ILDR2: variants seen among roughly 807,000 people sequenced by gnomAD.
The protein encoded by ILDR2 is immunoglobulin like domain containing receptor 2.
ILDR2 carries 25 observed loss-of-function variants against 66.8 expected under a neutral mutation model. That is an observed-to-expected ratio of 0.37 (90% CI 0.27 to 0.52). The LOEUF (loss-of-function observed/expected upper bound fraction) is 0.52, where lower values mean the gene tolerates loss of function less well. Ranked by LOEUF, ILDR2 falls within the 20% of genes least tolerant of loss-of-function variation. The probability of loss-of-function intolerance (pLI) is 0.88; values close to 1 mark genes in which losing one functional copy is unlikely to be tolerated. For synonymous variants in ILDR2, 367 were observed against 357.2 expected (o/e 1.03, Z -0.31); for missense variants, 827 against 876.8 (o/e 0.94, Z 0.72).
At chr1:166,899,462 T>C (rs796664727) in intron 2 of ILDR2, among the ~76,000 whole-genome samples, 6 of 151,758 alleles carry the variant, frequency 4.0e-5, no homozygotes, top group African/African-American at 1.5e-4. Context: ...GTTTACAGTC[T>C]GGGGGAATTT....
chr1:166,929,653 C>A (rs1013421526), intron 6 of ILDR2, among the ~76,000 whole-genome samples: 2 of 152,196 alleles, frequency 1.3e-5, no homozygotes, highest in African/African-American at 4.8e-5. Flanking sequence ...ACTAGGTTCG[C>A]TTCTGTATCC....
At chr1:166,975,128 G>GT in intron 1 of ILDR2, 95 bp downstream of exon 1, 1 of 1,075,572 alleles carries the variant, frequency 9.3e-7, no homozygotes, top group Non-Finnish European at 1.4e-6. Context: ...AACATGGTCA[G>GT]TAAGGAGGAA....
At chr1:166,937,486 C>T (rs1247157138) in intron 4 of ILDR2, among the ~76,000 whole-genome samples, 1 of 152,244 alleles carries the variant, frequency 6.6e-6, no homozygotes, top group Non-Finnish European at 1.5e-5. Flanking sequence ...GCCAACATAG[C>T]CAAGGGCTCA....
At chr1:166,951,380 C>T (rs1399774666) in intron 3 of ILDR2, among the ~76,000 whole-genome samples, 1 of 152,168 alleles carries the variant, frequency 6.6e-6, no homozygotes, top group Non-Finnish European at 1.5e-5. Context: ...TTCTTTAACA[C>T]ATAATCTGAA....
At chr1:166,946,923 C>T (rs1661643486) in intron 3 of ILDR2, among the ~76,000 whole-genome samples, 1 of 152,182 alleles carries the variant, frequency 6.6e-6, no homozygotes, top group Admixed American at 6.5e-5. Flanking sequence ...CTGAAATTTT[C>T]AGCACCTTTT....
chr1:166,975,059 T>TACACAA (rs1663514778), intron 1 of ILDR2, among the ~76,000 whole-genome samples, 164 bp downstream of exon 1: 1 of 148,864 alleles, frequency 6.7e-6, no homozygotes, highest in Non-Finnish European at 1.5e-5. Context: ...CACAAACACA[T>TACACAA]ACACAAACAC....
chr1:166,956,767 C>T lies in ILDR2; in HGVS notation c.465G>A (p.Gly155=). The T allele has an allele frequency of 6.2e-7, 1 of 1,613,942 alleles. No individual in the cohort carries two copies. Among genetic ancestry groups the T allele is most frequent in the Non-Finnish European group, 8.5e-7 (1 of 1,179,910 alleles). The change falls in exon 3 of 10, where the codon GGG becomes GGA. Residue 155 remains glycine (G), a synonymous_variant. Coordinates refer to ENST00000271417, the MANE Select transcript of ILDR2 (RefSeq NM_199351.3). ...CIITTPDDLE[G]KNEDSVELLV... The stretch of plus-strand genomic sequence containing the variant: ...GCAGTTCCACTGAGTCCTCATTTTT[C>T]CCCTCCAGGTCATCTGGGGTGGTGA...
chr1:166,928,569 A>G (rs1660443985), intron 6 of ILDR2, among the ~76,000 whole-genome samples: 1 of 152,346 alleles, frequency 6.6e-6, no homozygotes. Context: ...GGCAAACACC[A>G]TAAAGAAACC....
chr1:166,915,193 C>G lies in ILDR2; in HGVS notation c.*4162G>C, dbSNP rs1659595010. The G allele has an allele frequency of 6.6e-6, 1 of 152,204 alleles. No individual in the cohort carries two copies. Among genetic ancestry groups the G allele is most frequent in the African/African-American group, 2.4e-5 (1 of 41,442 alleles). 9.4% of individuals were successfully genotyped at this position (152,204 alleles called of 1,614,324 possible). A position where few individuals can be genotyped will look rare whatever the true frequency, so the allele number is the denominator to read the frequency against. ...TGCTCCTGACACTCCTTTCTCTCTG[C>G]CTGTTTTCCCACTACCACTAGCGTA... On this transcript the variant is annotated 3_prime_UTR_variant, in exon 10 of 10. Transcript: ENST00000271417.
downstream of ILDR2, among the ~76,000 whole-genome samples, chr1:166,905,129 T>A (rs536910638): frequency 1.2e-4 from 18 of 152,314 alleles, no homozygotes; most frequent in South Asian, 3.7e-3. Flanking sequence ...TAAAAGCTTC[T>A]TTTTATCTCT....
At chr1:166,924,280 C>T (rs994826189) in intron 7 of ILDR2, among the ~76,000 whole-genome samples, 3 of 152,178 alleles carry the variant, frequency 2.0e-5, no homozygotes, top group African/African-American at 7.2e-5. Flanking sequence ...TCATGATCCC[C>T]ATGAATTCCA....
chr1:166,955,599 T>C (rs1358483563), intron 3 of ILDR2, among the ~76,000 whole-genome samples: 1 of 152,062 alleles, frequency 6.6e-6, no homozygotes, highest in African/African-American at 2.4e-5. Context: ...TGAGACTCTG[T>C]CTCAAAAATA....
At chr1:166,951,969 A>G (rs144318883) in intron 3 of ILDR2, among the ~76,000 whole-genome samples, 60 of 152,190 alleles carry the variant, frequency 3.9e-4, no homozygotes, top group Non-Finnish European at 7.4e-4. Context: ...ATCCAGTCAC[A>G]TTTCCTCCCA....
chr1:166,949,568 T>C (rs1382410465), intron 3 of ILDR2, among the ~76,000 whole-genome samples: 1 of 152,186 alleles, frequency 6.6e-6, no homozygotes, highest in Non-Finnish European at 1.5e-5. Flanking sequence ...AAGAGCAAGG[T>C]TGAGATTATG....
intron 6 of ILDR2, among the ~76,000 whole-genome samples, chr1:166,927,410 A>G (rs1469130421): frequency 6.6e-6 from 1 of 152,244 alleles, no homozygotes; most frequent in Non-Finnish European, 1.5e-5. Flanking sequence ...AAATTCCATT[A>G]CAGTCTATTT....
intron 3 of ILDR2, among the ~76,000 whole-genome samples, chr1:166,942,751 A>C (rs145125564): frequency 6.6e-6 from 1 of 152,264 alleles, no homozygotes; most frequent in African/African-American, 2.4e-5. Flanking sequence ...CTAGTCACCT[A>C]TGTTCAAATT....
rs1463210645 is a variant in ILDR2 at position 166,910,720 on chromosome 1, G to A, written c.*8635C>T. On this transcript the variant is annotated 3_prime_UTR_variant, in exon 10 of 10. Transcript: ENST00000271417. ...AAAATATAATTTTCACCTAAGTGGT[G>A]TGATGAGTATGATTAGGATGTCTCT... The A allele has an allele frequency of 6.6e-6, 1 of 152,248 alleles. No homozygotes were observed. Among genetic ancestry groups the A allele is most frequent in the Non-Finnish European group, 1.5e-5 (1 of 68,052 alleles). The allele number at this position is 152,248 out of a possible 1,614,324, so 9.4% of individuals were successfully genotyped here.
chr1:166,969,756 T>G (rs946975069), intron 1 of ILDR2, among the ~76,000 whole-genome samples: 2 of 152,258 alleles, frequency 1.3e-5, no homozygotes, highest in Admixed American at 1.3e-4. Flanking sequence ...GGAGTTACAG[T>G]TTGATCTACC....
intron 1 of ILDR2, among the ~76,000 whole-genome samples, chr1:166,966,613 C>T (rs879380519): frequency 3.9e-5 from 6 of 152,208 alleles, no homozygotes; most frequent in Non-Finnish European, 7.3e-5. Context: ...TTCTTGTACT[C>T]TGCCATCACT....
Sources: allele counts gnomAD v4.1 joint callset (sites outside exome capture counted in the v4.1 genomes callset), GRCh38; gene constraint gnomAD v4.1.1; transcripts MANE v1.5; gene names NCBI Gene and HGNC (gene_info 2026-07-23, HGNC 2026-07-21).